Variants in CHMP7 observed in about 807,000 individuals in gnomAD.
CHMP7 encodes CHMP family, member 7.
In CHMP7, 15 loss-of-function variants were observed where a neutral mutation model predicts 53.7. That is an observed-to-expected ratio of 0.28 (90% confidence interval 0.19 to 0.43). The LOEUF (loss-of-function observed/expected upper bound fraction) is 0.43. Among genes scored for constraint, CHMP7 ranks in the 20% least tolerant of loss-of-function variants. CHMP7 has a pLI of 1.00. For missense variants in CHMP7, 527 were observed against 569.4 expected (o/e 0.93, Z 0.76); for synonymous variants, 261 against 228.0 (o/e 1.14, Z -1.30).
At chr8:23,258,570 T>G (rs1167914388) in intron 7 of CHMP7, 121 bp downstream of exon 7, 11 of 1,430,274 alleles carry the variant, frequency 7.7e-6, no homozygotes, top group Non-Finnish European at 1.1e-5. Flanking sequence ...TGGGGTTGCC[T>G]TTGCCTTTCC....
Position 23,260,715 on chromosome 8 carries a change from C to T in CHMP7, c.*116C>T, listed in dbSNP as rs763685929. 5 of 804,470 alleles carry T rather than the reference C, an allele frequency of 6.2e-6. No homozygotes were observed. Among genetic ancestry groups the T allele is most frequent in the Non-Finnish European group, 1.1e-5 (5 of 467,888 alleles). 49.8% of individuals were successfully genotyped at this position (804,470 alleles called of 1,614,324 possible). A position where few individuals can be genotyped will look rare whatever the true frequency, so the allele number is the denominator to read the frequency against. On this transcript the variant is annotated 3_prime_UTR_variant, in exon 11 of 11. Transcript: ENST00000397677. ...TTTGGAAGAGGAGAAAGGAGAACCA[C>T]TGATTTTATCTGGATGCTACTACTT...
Position 23,260,219 on chromosome 8 carries a change from C to T in CHMP7, c.1196C>T (p.Pro399Leu), listed in dbSNP as rs1716978686. The T allele has an allele frequency of 6.2e-7, 1 of 1,614,058 alleles. No individual in the cohort carries two copies. The highest frequency in any genetic ancestry group is 1.1e-5 in the South Asian group (1 of 91,090). ...ACCACCAAAGAACCTTTGGATCTGC[C>T]TGACAACCCCCGCAATAGGCATTTT... ...QDTTKEPLDL[P>L]DNPRNRHFTN... is the part of the protein sequence containing the mutation. Residue 399 changes from proline to leucine, a missense_variant, in exon 10 of 11, where the codon CCT becomes CTT. By Grantham distance (98) the Pro-to-Leu change is moderately conservative (BLOSUM62 -3). Coordinates refer to ENST00000397677, the MANE Select transcript of CHMP7 (RefSeq NM_152272.5).
In CHMP7 at chr8:23,259,057, C is replaced by T. The variant is rs751480195; in HGVS notation, c.1060-9C>T. 3 of 1,599,254 alleles carry T rather than the reference C, an allele frequency of 1.9e-6. No homozygotes were observed. Among genetic ancestry groups the T allele is most frequent in the African/African-American group, 1.3e-5 (1 of 74,610 alleles). On this transcript the variant is annotated splice_polypyrimidine_tract_variant and intron_variant, in intron 8 of 10. Transcript: ENST00000397677. ...GCCCAGCTCAAGGCTTTGCACTTGT[C>T]TCTTACAGCTCTGTGACACCCAGGA...
intron 3 of CHMP7, among the ~76,000 whole-genome samples, chr8:23,252,100 G>C (rs1409962220): frequency 6.7e-6 from 1 of 148,782 alleles, no homozygotes; most frequent in Non-Finnish European, 1.5e-5. Context: ...TCCTGTTTGT[G>C]AATTGAGCAT....
chr8:23,253,379 G>A (rs1802001124), intron 3 of CHMP7, among the ~76,000 whole-genome samples: 1 of 152,314 alleles, frequency 6.6e-6, no homozygotes, highest in Non-Finnish European at 1.5e-5. Flanking sequence ...CGCCTCCTGG[G>A]TTCAAGCAAT....
At chr8:23,247,430 C>T (rs1255932980) in intron 2 of CHMP7, among the ~76,000 whole-genome samples, 2 of 152,182 alleles carry the variant, frequency 1.3e-5, no homozygotes, top group African/African-American at 4.8e-5. Context: ...CTGTAGGCAT[C>T]TTGCCAACAA....
intron 5 of CHMP7, 40 bp from the exon 6 acceptor site, chr8:23,257,993 T>C (rs1170342183): frequency 6.7e-7 from 1 of 1,494,834 alleles, no homozygotes; most frequent in East Asian, 2.3e-5. Flanking sequence ...GCCACTCCCA[T>C]CCTGTGGCAC....
At position 23,256,365 on chromosome 8, in the gene CHMP7, G is replaced by A. The variant is rs942549544; in HGVS notation, c.658-95G>A. On this transcript the variant is annotated intron_variant, in intron 4 of 10. Transcript: ENST00000397677. ...AACATATCCCCCATGGATAAGGGGGGCCTGCTGTTCTCACATGCCCACCAC... is the reference window on the plus strand; with the variant it reads ...AACATATCCCCCATGGATAAGGGGGACCTGCTGTTCTCACATGCCCACCAC... 4 of 796,316 alleles carry A rather than the reference G, an allele frequency of 5.0e-6. No homozygotes were observed. The Admixed American group carries it at 5.3e-5, about 11-fold the overall frequency. 49.3% of individuals were successfully genotyped at this position (796,316 alleles called of 1,614,324 possible).
At position 23,258,425 on chromosome 8, in the gene CHMP7, C is replaced by G; in HGVS notation, c.936C>G (p.Ile312Met). The change falls in exon 7 of 11, where the codon ATC becomes ATG. Residue 312 changes from isoleucine to methionine, a missense_variant. Ile to Met is a conservative substitution (Grantham distance 10, BLOSUM62 1). Coordinates refer to ENST00000397677, the MANE Select transcript of CHMP7 (RefSeq NM_152272.5). ...CTGTTCAAGGCATCCTGGACCGGAT[C>G]TATGCCTCCCAGACAGATCAGATGG... ...LDTVQGILDR[I>M]YASQTDQMVF... 6.2e-7 allele frequency: 1 copy of G among 1,614,092 alleles called. No homozygotes were observed. Among genetic ancestry groups the G allele is most frequent in the Non-Finnish European group, 8.5e-7 (1 of 1,180,014 alleles).
rs1446374066 is a variant in CHMP7, at chr8:23,260,962, A to C, written c.*363A>C. On this transcript the variant is annotated 3_prime_UTR_variant, in exon 11 of 11. Transcript: ENST00000397677. ...AGGGGAAAGATTTGCAGCTTTGCCA[A>C]ATCTGAATCAGTTCCCACTCCCCCC... 1 of 294,174 alleles carries C rather than the reference A, an allele frequency of 3.4e-6. No homozygotes were observed. Among genetic ancestry groups the C allele is most frequent in the Non-Finnish European group, 6.4e-6 (1 of 156,902 alleles). 18.2% of individuals were successfully genotyped at this position (294,174 alleles called of 1,614,324 possible).
intron 3 of CHMP7, among the ~76,000 whole-genome samples, chr8:23,252,646 A>G (rs1223619687): frequency 6.6e-6 from 1 of 152,208 alleles, no homozygotes; most frequent in African/African-American, 2.4e-5. Flanking sequence ...ATATTTCTGT[A>G]GTCAGATCTC....
At chr8:23,247,196 A>T (rs1585302501) in intron 2 of CHMP7, among the ~76,000 whole-genome samples, 2 of 144,408 alleles carry the variant, frequency 1.4e-5, no homozygotes, top group African/African-American at 5.2e-5. Flanking sequence ...GGAAGAGGGG[A>T]TCTGGGGGAA....
intron 5 of CHMP7, 149 bp from the exon 6 acceptor site, chr8:23,257,884 C>A (rs372741230): frequency 3.1e-6 from 2 of 636,462 alleles, no homozygotes; most frequent in African/African-American, 3.6e-5. Flanking sequence ...AGAGTTTTTG[C>A]CGTCAGCATC....
chr8:23,258,123 C>T lies in CHMP7; in HGVS notation c.840+42C>T, dbSNP rs770779468. 7 of 1,567,748 alleles carry T rather than the reference C, an allele frequency of 4.5e-6. No homozygotes were observed. The South Asian group carries it at 4.5e-5, about 10-fold the overall frequency. ...TCCAGACCCATAGCAGTGCCCCAGG[C>T]AGGCCTGGAGCAATGCCCAGCAGTT... On this transcript the variant is annotated intron_variant, in intron 6 of 10. Coordinates refer to ENST00000397677, the MANE Select transcript of CHMP7 (RefSeq NM_152272.5).
intron 7 of CHMP7, 30 bp downstream of exon 7, chr8:23,258,479 G>T (rs1802227554): frequency 6.2e-7 from 1 of 1,613,344 alleles, no homozygotes; most frequent in Non-Finnish European, 8.5e-7. Flanking sequence ...CCAGCACTTG[G>T]CTGGTCTCTC....
rs186457078 is a variant in CHMP7, at chr8:23,256,236, C to A, written c.658-224C>A. Among the ~76,000 whole-genome samples, 3 of 152,230 alleles carry A rather than the reference C, an allele frequency of 2.0e-5. No individual in the cohort carries two copies. The East Asian group carries it at 5.8e-4, about 29-fold the overall frequency. ...AGGATCTACAGTAAGAATGAATCTT[C>A]TATAGGAAAAATTGTGAAGAAGGAA... On this transcript the variant is annotated intron_variant, in intron 4 of 10. Coordinates refer to ENST00000397677, the MANE Select transcript of CHMP7 (RefSeq NM_152272.5).
chr8:23,244,629 CCTTTCCACATAAA>C (rs1370077680), intron 1 of CHMP7, among the ~76,000 whole-genome samples: 1 of 152,060 alleles, frequency 6.6e-6, no homozygotes, highest in Admixed American at 6.5e-5. Context: ...GGGTCTTTTG[CCTTTCCACATAAA>C]CTTTAGAATT....
At chr8:23,250,658 G>C (rs956285734) in intron 3 of CHMP7, among the ~76,000 whole-genome samples, 1 of 111,672 alleles carries the variant, frequency 9.0e-6, no homozygotes, top group Admixed American at 9.1e-5. Context: ...GTGTGTGTGT[G>C]TGTGTGTTGA....
At chr8:23,256,636 G>T in intron 5 of CHMP7, 43 bp downstream of exon 5, 1 of 1,584,180 alleles carries the variant, frequency 6.3e-7, no homozygotes, top group Non-Finnish European at 8.6e-7. Flanking sequence ...CACTGTTGCT[G>T]GCCCCCAGAG....
Sources: gnomAD v4.1 joint callset for allele counts (sites outside exome capture counted in the v4.1 genomes callset) on GRCh38, gnomAD v4.1.1 for gene constraint, MANE v1.5 for transcripts, NCBI Gene and HGNC (gene_info 2026-07-23, HGNC 2026-07-21) for gene names.